RALYL: variants seen among roughly 807,000 people sequenced by gnomAD.
RALYL encodes the protein RNA-binding Raly-like protein.
In RALYL, 29 loss-of-function variants were observed where a neutral mutation model predicts 35.1. The ratio of observed to expected loss-of-function variants is 0.83; its 90% CI spans 0.61 to 1.13. The LOEUF is 1.13. Among genes scored for constraint, RALYL ranks in the 50% most tolerant of loss-of-function variants. RALYL has a pLI of 0.00. For missense variants in RALYL, 359 were observed against 360.4 expected, an observed-to-expected ratio of 1.00 and a Z score of 0.03; for synonymous variants, 120 against 127.6, an observed-to-expected ratio of 0.94 and a Z score of 0.40.
chr8:84,752,844 G>A (rs1585952977), intron 2 of RALYL, among the ~76,000 whole-genome samples: 1 of 152,232 alleles, frequency 6.6e-6, no homozygotes, highest in South Asian at 2.1e-4. Flanking sequence ...GGAAAAGCCT[G>A]GATGTCCAGG....
intron 1 of RALYL, among the ~76,000 whole-genome samples, chr8:84,400,341 G>T (rs2042761997): frequency 3.3e-5 from 5 of 152,132 alleles, no homozygotes; most frequent in Admixed American, 2.6e-4. Flanking sequence ...AATTTTCCAA[G>T]TGTGGTGTAA....
At chr8:84,727,479 A>T (rs895979780) in intron 2 of RALYL, among the ~76,000 whole-genome samples, 5 of 151,656 alleles carry the variant, frequency 3.3e-5, no homozygotes, top group South Asian at 2.1e-4. Flanking sequence ...TTTATTTTTT[A>T]TTATTATTAT....
chr8:84,468,330 G>T (rs1278116509), intron 1 of RALYL, among the ~76,000 whole-genome samples: 3 of 152,100 alleles, frequency 2.0e-5, no homozygotes, highest in South Asian at 2.1e-4. Context: ...CTCTTGTAAG[G>T]CAGGCCTGGT....
chr8:84,839,810 C>G (rs887913714), intron 4 of RALYL, among the ~76,000 whole-genome samples: 5 of 152,196 alleles, frequency 3.3e-5, no homozygotes, highest in Non-Finnish European at 5.9e-5. Flanking sequence ...TGCTGCTCAC[C>G]AATATCTGCT....
At position 84,237,541 on chromosome 8, in the gene RALYL, T is replaced by C. The variant is rs914773570; in HGVS notation, c.-24+53117T>C. Reference sequence around the variant, plus strand: ...CTGGAAATAATTTTTTTAAATACATTTTATTACACCGAAAAAACAAAGTTC... The same window carrying C: ...CTGGAAATAATTTTTTTAAATACATCTTATTACACCGAAAAAACAAAGTTC... On this transcript the variant is annotated intron_variant, in intron 1 of 8. Transcript: ENST00000521268. 2.0e-5 allele frequency among the ~76,000 whole-genome samples: 3 copies of C among 152,186 alleles called. No homozygotes were observed. The South Asian group carries it at 6.2e-4, about 32-fold the overall frequency.
At chr8:84,342,392 A>G (rs1169302483) in intron 1 of RALYL, among the ~76,000 whole-genome samples, 1 of 147,840 alleles carries the variant, frequency 6.8e-6, no homozygotes, top group African/African-American at 2.5e-5. Context: ...ACAGTCCACC[A>G]TAGGGCCAAA....
intron 7 of RALYL, among the ~76,000 whole-genome samples, chr8:84,886,974 C>A (rs1433300294): frequency 6.6e-6 from 1 of 152,206 alleles, no homozygotes; most frequent in Non-Finnish European, 1.5e-5. Context: ...TGATGAAGCT[C>A]AACTTTGAAC....
At chr8:84,747,445 A>T (rs1399324520) in intron 2 of RALYL, among the ~76,000 whole-genome samples, 1 of 151,908 alleles carries the variant, frequency 6.6e-6, no homozygotes, top group African/African-American at 2.4e-5. Context: ...TAAGAGATTG[A>T]ATTTCTCTAT....
intron 2 of RALYL, among the ~76,000 whole-genome samples, chr8:84,680,173 C>G (rs1457850478): frequency 2.6e-5 from 4 of 152,180 alleles, no homozygotes; most frequent in Non-Finnish European, 4.4e-5. Context: ...CTACAAAGGT[C>G]ATGAACTCAT....
chr8:84,717,616 C>G (rs1211661567), intron 2 of RALYL, among the ~76,000 whole-genome samples: 1 of 152,148 alleles, frequency 6.6e-6, no homozygotes, highest in Non-Finnish European at 1.5e-5. Context: ...TTTTAATATT[C>G]ATTTTAAAAA....
chr8:84,556,138 T>A (rs1434585465), intron 2 of RALYL, among the ~76,000 whole-genome samples: 1 of 151,960 alleles, frequency 6.6e-6, no homozygotes, highest in African/African-American at 2.4e-5. Flanking sequence ...AGGACAAGAG[T>A]GATTTGTGCA....
chr8:84,910,372 A>C (rs531478989), intron 8 of RALYL, among the ~76,000 whole-genome samples: 1 of 152,230 alleles, frequency 6.6e-6, no homozygotes, highest in African/African-American at 2.4e-5. Flanking sequence ...CTTGGGCTAT[A>C]AGATGTTAAA....
chr8:84,470,278 G>A (rs1365909258), intron 1 of RALYL, among the ~76,000 whole-genome samples: 2 of 152,086 alleles, frequency 1.3e-5, no homozygotes, highest in Non-Finnish European at 2.9e-5. Context: ...TTCTCTTAAG[G>A]CCTACACTAT....
chr8:84,669,077 A>G (rs765565231), intron 2 of RALYL, among the ~76,000 whole-genome samples: 5 of 152,152 alleles, frequency 3.3e-5, no homozygotes, highest in Non-Finnish European at 7.3e-5. Context: ...ACACATAGAA[A>G]AATAAAACTT....
At chr8:84,576,153 C>T (rs967511766) in intron 2 of RALYL, among the ~76,000 whole-genome samples, 2 of 152,008 alleles carry the variant, frequency 1.3e-5, no homozygotes, top group Non-Finnish European at 2.9e-5. Context: ...CAAGCGTTTA[C>T]TTGCTTGTTT....
chr8:84,630,397 A>AAC (rs1231840822), intron 2 of RALYL, among the ~76,000 whole-genome samples: 5 of 151,958 alleles, frequency 3.3e-5, no homozygotes, highest in Non-Finnish European at 7.4e-5. Flanking sequence ...AAAAAACTTC[A>AAC]AACAACAACA....
intron 2 of RALYL, among the ~76,000 whole-genome samples, chr8:84,534,723 G>C (rs2059487402): frequency 6.6e-6 from 1 of 152,148 alleles, no homozygotes; most frequent in Non-Finnish European, 1.5e-5. Flanking sequence ...GGGAGAAGAA[G>C]GAAGGAGAAG....
At chr8:84,428,041 G>T (rs2046696535) in intron 1 of RALYL, among the ~76,000 whole-genome samples, 1 of 145,660 alleles carries the variant, frequency 6.9e-6, no homozygotes, top group African/African-American at 2.5e-5. Flanking sequence ...CACCAAACAA[G>T]GTCTTATTGA....
intron 1 of RALYL, among the ~76,000 whole-genome samples, chr8:84,370,899 A>G (rs1855545147): frequency 6.6e-6 from 1 of 152,000 alleles, no homozygotes; most frequent in Non-Finnish European, 1.5e-5. Context: ...CAGAAAAGTG[A>G]GACAAAGACA....
Sources: allele counts gnomAD v4.1 joint callset (sites outside exome capture counted in the v4.1 genomes callset), GRCh38; gene constraint gnomAD v4.1.1; transcripts MANE v1.5; gene names NCBI Gene and HGNC (gene_info 2026-07-23, HGNC 2026-07-21).